VPS13C: variants seen among roughly 807,000 people sequenced by gnomAD.
VPS13C encodes the protein intermembrane lipid transfer protein VPS13C.
In VPS13C, 358 loss-of-function variants were observed where a neutral mutation model predicts 456.8. The observed-to-expected ratio is 0.78, with a 90% CI of 0.72 to 0.86. VPS13C has a LOEUF of 0.86. Among genes scored for constraint, VPS13C ranks in the 40% least tolerant of loss-of-function variants. The probability of loss-of-function intolerance (pLI) is 0.00; values close to 1 mark genes in which losing one functional copy is unlikely to be tolerated. For synonymous variants in VPS13C, 1,578 were observed against 1,486.7 expected, an observed-to-expected ratio of 1.06 and a Z score of -1.41; for missense variants, 4,818 against 4,385.4, an observed-to-expected ratio of 1.10 and a Z score of -2.79.
intron 7 of VPS13C, 87 bp downstream of exon 7, chr15:62,023,693 T>C (rs2047538979): frequency 1.5e-6 from 2 of 1,333,898 alleles, no homozygotes; most frequent in Middle Eastern, 2.1e-4. Context: ...TTTATACTGT[T>C]ATCTGACATT....
intron 82 of VPS13C, 106 bp downstream of exon 82, chr15:61,863,334 G>C: frequency 9.3e-6 from 7 of 755,416 alleles, no homozygotes; most frequent in Middle Eastern, 2.4e-4. Context: ...TCACTTTGGA[G>C]AATTTTAAGT....
At chr15:62,003,460 T>C (rs1183306754) in intron 15 of VPS13C, among the ~76,000 whole-genome samples, 1 of 152,158 alleles carries the variant, frequency 6.6e-6, no homozygotes, top group Non-Finnish European at 1.5e-5. Flanking sequence ...TCATGTCGTC[T>C]GCAAACAGGG....
chr15:61,950,236 G>A, intron 41 of VPS13C, 122 bp downstream of exon 41: 1 of 717,592 alleles, frequency 1.4e-6, no homozygotes, highest in Non-Finnish European at 2.4e-6. Flanking sequence ...CCATAAATTA[G>A]GAATATTATT....
chr15:61,918,983 C>G (rs982452241), intron 58 of VPS13C, among the ~76,000 whole-genome samples: 1 of 151,976 alleles, frequency 6.6e-6, no homozygotes, highest in African/African-American at 2.4e-5. Flanking sequence ...CAATAATCCT[C>G]GGTTCTGAAT....
At chr15:62,041,262 A>C (rs1479570805) in intron 3 of VPS13C, 62 bp downstream of exon 3, 1 of 1,544,250 alleles carries the variant, frequency 6.5e-7, no homozygotes, top group Non-Finnish European at 8.7e-7. Flanking sequence ...AGGTTAAATA[A>C]CACAAGCAAA....
chr15:62,042,369 T>C lies in VPS13C; in HGVS notation c.145-1003A>G, dbSNP rs542831394. Among the ~76,000 whole-genome samples, 5 of 152,302 alleles carry C rather than the reference T, an allele frequency of 3.3e-5. No homozygotes were observed. In the South Asian group the frequency reaches 1.0e-3, roughly 32 times the overall value. On this transcript the variant is annotated intron_variant, in intron 2 of 84. Transcript: ENST00000644861. Reference sequence around the variant, plus strand: ...CCTTTCCGTTAGGTTTGACTTACTATATAATAACACTATAAAAATCTGACC... The same window carrying C: ...CCTTTCCGTTAGGTTTGACTTACTACATAATAACACTATAAAAATCTGACC...
intron 66 of VPS13C, among the ~76,000 whole-genome samples, chr15:61,896,916 G>A (rs1453647809): frequency 6.6e-6 from 1 of 152,238 alleles, no homozygotes; most frequent in East Asian, 1.9e-4. Context: ...AGAAGGGGCA[G>A]ACTGCCTCCT....
Position 61,907,343 on chromosome 15 carries a change from A to G in VPS13C, c.9026T>C (p.Phe3009Ser). ...GGTACCAGTAGGATCTGCCCAGGCA[A>G]AAAGTCGAGCCTGTCTTGGCAGCAA... ...MVLLPRQARL[F>S]AWADPTGTRK... Residue 3009 changes from phenylalanine to serine, a missense_variant, in exon 66 of 85, where the codon TTT becomes TCT. By Grantham distance (155) the Phe-to-Ser change is radical (BLOSUM62 -2). This residue lies in a region of VPS13C where 4,552 missense variants were observed against 4,130.6 expected (regional missense o/e 1.10). Transcript: ENST00000644861. 2 of 1,614,040 alleles carry G rather than the reference A, an allele frequency of 1.2e-6. No homozygotes were observed. The highest frequency in any genetic ancestry group is 1.6e-4 in the Middle Eastern group (1 of 6,062).
intron 67 of VPS13C, among the ~76,000 whole-genome samples, chr15:61,887,533 T>A (rs1203820033): frequency 1.3e-5 from 2 of 151,690 alleles, no homozygotes; most frequent in Non-Finnish European, 2.9e-5. Flanking sequence ...CACAAAGAAA[T>A]AAAAAATATC....
intron 35 of VPS13C, among the ~76,000 whole-genome samples, chr15:61,960,646 A>G (rs2045164396): frequency 6.6e-6 from 1 of 152,258 alleles, no homozygotes; most frequent in Non-Finnish European, 1.5e-5. Context: ...AATAATATGT[A>G]TATGTTTATA....
chr15:61,954,342 T>C (rs530700984), intron 38 of VPS13C, 79 bp downstream of exon 38: 1 of 1,469,086 alleles, frequency 6.8e-7, no homozygotes, highest in African/African-American at 1.4e-5. Context: ...GTATCAATTA[T>C]CTGTAAGTTT....
chr15:61,890,481 T>C (rs1270108112), intron 66 of VPS13C, 81 bp from the exon 67 acceptor site: 36 of 1,271,386 alleles, frequency 2.8e-5, no homozygotes, highest in Non-Finnish European at 3.8e-5. Flanking sequence ...ACAGAAAGAT[T>C]AGAAAAGTTT....
chr15:61,961,895 T>C lies in VPS13C; in HGVS notation c.3604-2A>G, dbSNP rs1328338114. On this transcript the variant is annotated splice_acceptor_variant, in intron 34 of 84. Transcript: ENST00000644861. LOFTEE classifies it high-confidence loss of function. ...TGTCTGGAAATTATTCAGGAAGTTC[T>C]GTGGACACAAAGCATAAAAAGAGAA... The C allele has an allele frequency of 1.9e-6, 3 of 1,606,102 alleles. No homozygotes were observed. Among genetic ancestry groups the C allele is most frequent in the Admixed American group, 3.4e-5 (2 of 58,644 alleles).
intron 45 of VPS13C, among the ~76,000 whole-genome samples, chr15:61,942,695 T>C (rs946586454): frequency 6.6e-6 from 1 of 152,046 alleles, no homozygotes; most frequent in Non-Finnish European, 1.5e-5. Context: ...CCAATGAGGA[T>C]AAGATCATTC....
Position 61,982,509 on chromosome 15 carries a change from GTTA to G in VPS13C, c.1976_1978del (p.Ile659del). The G allele has an allele frequency of 6.2e-7, 1 of 1,610,106 alleles. No individual in the cohort carries two copies. On this transcript the variant is annotated inframe_deletion, in exon 21 of 85. Coordinates refer to ENST00000644861, the MANE Select transcript of VPS13C (RefSeq NM_020821.3). ...TTCCAGCTTCATCAATGTTGCTGATGTTATTTGCTCAAGATCCAATCCCTTATT... is the reference window on the plus strand; with the variant it reads ...TTCCAGCTTCATCAATGTTGCTGATGTTTGCTCAAGATCCAATCCCTTATT...
At position 61,852,767 on chromosome 15, in the gene VPS13C, A is replaced by G. The variant is rs1022219901; in HGVS notation, c.*1690T>C. 4.6e-5 allele frequency: 7 copies of G among 152,186 alleles called. No homozygotes were observed. The highest frequency in any genetic ancestry group is 1.7e-4 in the African/African-American group (7 of 41,438). The allele number at this position is 152,186 out of a possible 1,614,324, so 9.4% of individuals were successfully genotyped here. On this transcript the variant is annotated 3_prime_UTR_variant, in exon 85 of 85. Transcript: ENST00000644861. ...AAGTTTTATATATTATACTTTACAG[A>G]AAAAAATAATTTTGAAAAAGTAATG...
At chr15:62,047,293 G>T (rs1390409927) in intron 1 of VPS13C, among the ~76,000 whole-genome samples, 1 of 152,040 alleles carries the variant, frequency 6.6e-6, no homozygotes. Flanking sequence ...CCGGGCATGG[G>T]CATGGTGGCA....
At chr15:61,866,042 C>A in intron 81 of VPS13C, 1 of 984,440 alleles carries the variant, frequency 1.0e-6, no homozygotes, top group African/African-American at 1.7e-5. Context: ...TTTTGTTTTA[C>A]TCGGTCCCTT....
rs1361758568 is a variant in VPS13C, at chr15:61,973,495, C to T, written c.2576G>A (p.Gly859Asp). 1 of 1,612,668 alleles carries T rather than the reference C, an allele frequency of 6.2e-7. No individual in the cohort carries two copies. The highest frequency in any genetic ancestry group is 1.7e-5 in the Admixed American group (1 of 59,986). The change falls in exon 26 of 85, where the codon GGT becomes GAT. Residue 859 changes from glycine to aspartate, a missense_variant. Gly to Asp is a moderately conservative substitution (Grantham distance 94, BLOSUM62 -1). This residue lies in a region of VPS13C where 4,552 missense variants were observed against 4,130.6 expected (regional missense o/e 1.10). Coordinates refer to ENST00000644861, the MANE Select transcript of VPS13C (RefSeq NM_020821.3). ...TAGCAATAGTGAAGTACCAAGTAGA[C>T]CTTTTGTACCACCTGAAATAATAGG... ...SIPIISGGTK[G>D]LLGTSLLLDT...
Sources: allele counts gnomAD v4.1 joint callset (sites outside exome capture counted in the v4.1 genomes callset), GRCh38; gene constraint gnomAD v4.1.1; regional missense constraint gnomAD v4.1.1; transcripts MANE v1.5; gene names NCBI Gene and HGNC (gene_info 2026-07-23, HGNC 2026-07-21).